Variants in ACSM1 observed in about 807,000 individuals in gnomAD.
ACSM1 encodes acyl-coenzyme A synthetase ACSM1, mitochondrial.
In ACSM1, 79 loss-of-function variants were observed where a neutral mutation model predicts 75.8. The observed-to-expected ratio is 1.04, with a 90% CI of 0.87 to 1.26. ACSM1 has a LOEUF of 1.26. Among genes scored for constraint, ACSM1 ranks in the 50% most tolerant of loss-of-function variants. The pLI is 0.00. For missense variants in ACSM1, 676 were observed against 720.1 expected (o/e 0.94, Z 0.70); for synonymous variants, 279 against 265.8 (o/e 1.05, Z -0.48).
chr16:20,651,029 G>A (rs556922174), intron 7 of ACSM1, among the ~76,000 whole-genome samples: 40 of 152,282 alleles, frequency 2.6e-4, no homozygotes, highest in African/African-American at 9.4e-4. Flanking sequence ...TTTTGTGTGT[G>A]TGTGCATGTG....
intron 6 of ACSM1, among the ~76,000 whole-genome samples, chr16:20,668,308 T>G (rs1272693578): frequency 2.6e-5 from 4 of 152,194 alleles, no homozygotes; most frequent in African/African-American, 9.6e-5. Flanking sequence ...ATTTTAAACT[T>G]TAAGCATTTA....
chr16:20,693,404 G>GA (rs2079673379), intron 1 of ACSM1, among the ~76,000 whole-genome samples: 1 of 152,106 alleles, frequency 6.6e-6, no homozygotes, highest in South Asian at 2.1e-4. Flanking sequence ...AGTTTGATTG[G>GA]AAAAAATGGC....
In ACSM1 at chr16:20,696,001, T is replaced by C. The variant is rs572373416; in HGVS notation, c.-52+1635A>G. Among the ~76,000 whole-genome samples, 5 of 152,342 alleles carry C rather than the reference T, an allele frequency of 3.3e-5. No homozygotes were observed. The East Asian group carries it at 7.7e-4, about 24-fold the overall frequency. On this transcript the variant is annotated intron_variant, in intron 1 of 13. Coordinates refer to ENST00000520010, the MANE Select transcript of ACSM1 (RefSeq NM_001318890.3). ...TGGCCCATACAATTATAATGACATATTTCTACTGTACCTTTTCTATGTTTC... is the reference window on the plus strand; with the variant it reads ...TGGCCCATACAATTATAATGACATACTTCTACTGTACCTTTTCTATGTTTC...
chr16:20,629,082 C>T lies in ACSM1; in HGVS notation c.1300-1766G>A, dbSNP rs139618846. ...GATATGCTTTGAACTCTCTGGAAGT[C>T]TCAAGAGGAAGACATGCTTCAGGAT... On this transcript the variant is annotated intron_variant, in intron 10 of 13. Transcript: ENST00000520010. 2.7e-4 allele frequency among the ~76,000 whole-genome samples: 41 copies of T among 152,282 alleles called. 1 individual carries two copies. The highest frequency in any genetic ancestry group is 9.9e-4 in the African/African-American group (41 of 41,552).
intron 5 of ACSM1, among the ~76,000 whole-genome samples, chr16:20,670,744 A>G (rs1457324897): frequency 1.3e-5 from 2 of 152,174 alleles, no homozygotes; most frequent in Admixed American, 6.5e-5. Flanking sequence ...GTCTTTGCAC[A>G]TATTATTCCA....
intron 7 of ACSM1, among the ~76,000 whole-genome samples, chr16:20,652,913 A>G (rs550737486): frequency 7.9e-5 from 12 of 152,314 alleles, no homozygotes; most frequent in Non-Finnish European, 1.6e-4. Context: ...TGAGGCCAAC[A>G]TCATCCTGAT....
At chr16:20,689,094 CAT>C (rs138526625) in intron 2 of ACSM1, among the ~76,000 whole-genome samples, 3,682 of 150,428 alleles carry the variant, frequency 0.024, 52 homozygotes, top group Non-Finnish European at 0.038. Flanking sequence ...ACATCAATAA[CAT>C]AAAGTGTGGG....
chr16:20,669,484 C>CA (rs2019768505), intron 6 of ACSM1, among the ~76,000 whole-genome samples: 2 of 132,290 alleles, frequency 1.5e-5, no homozygotes, highest in Non-Finnish European at 3.2e-5. Context: ...ACACACACAC[C>CA]CCAGCTGCTT....
intron 10 of ACSM1, among the ~76,000 whole-genome samples, chr16:20,630,121 G>GT (rs200287528): frequency 4.6e-3 from 640 of 140,324 alleles, no homozygotes; most frequent in African/African-American, 6.4e-3. Flanking sequence ...GAAAAAACTT[G>GT]TTTTTTTTTT....
chr16:20,649,947 T>C (rs1046842991), intron 7 of ACSM1, among the ~76,000 whole-genome samples: 1 of 152,112 alleles, frequency 6.6e-6, no homozygotes, highest in Non-Finnish European at 1.5e-5. Context: ...TTGTCAACAA[T>C]AGTTTGGTGC....
intron 11 of ACSM1, 52 bp from the exon 12 acceptor site, chr16:20,625,574 C>T: frequency 6.6e-7 from 1 of 1,508,188 alleles, no homozygotes; most frequent in Non-Finnish European, 9.1e-7. Flanking sequence ...TGAACCAAGT[C>T]CCCAGATCTC....
At chr16:20,691,776 T>C (rs1290551835) in intron 1 of ACSM1, among the ~76,000 whole-genome samples, 1 of 150,672 alleles carries the variant, frequency 6.6e-6, no homozygotes, top group Non-Finnish European at 1.5e-5. Context: ...TGTGTGTGTG[T>C]GTGTGTGTGT....
intron 1 of ACSM1, among the ~76,000 whole-genome samples, chr16:20,694,768 G>A (rs973667297): frequency 1.3e-5 from 2 of 152,190 alleles, no homozygotes; most frequent in Non-Finnish European, 2.9e-5. Flanking sequence ...GAACACCACT[G>A]TATTTGGAGA....
chr16:20,661,677 A>T (rs972253415), intron 7 of ACSM1, 117 bp downstream of exon 7: 89 of 679,814 alleles, frequency 1.3e-4, no homozygotes, highest in Admixed American at 3.5e-4. Context: ...CGCCACCAAC[A>T]CTTAACACAC....
rs1379955581 is a variant in ACSM1 at position 20,669,947 on chromosome 16, C to G, written c.792G>C (p.Trp264Cys). Residue 264 changes from tryptophan to cysteine, a missense_variant, in exon 6 of 14, where the codon TGG becomes TGC. By Grantham distance (215) the Trp-to-Cys change is radical (BLOSUM62 -2). Transcript: ENST00000520010. ...LRSLKTSDVSWCLSDSGWIVA... is the reference protein window; with the variant it reads ...LRSLKTSDVSCCLSDSGWIVA... The stretch of plus-strand genomic sequence containing the variant: ...CAATCCATCCTGAGTCCGACAGGCA[C>G]CAGGAGACATCAGATGTCTTCAGGC... The G allele has an allele frequency of 6.2e-7, 1 of 1,613,724 alleles. No homozygotes were observed. The highest frequency in any genetic ancestry group is 1.3e-5 in the African/African-American group (1 of 74,866).
chr16:20,626,080 A>G (rs1242606986), intron 11 of ACSM1, among the ~76,000 whole-genome samples: 21 of 152,164 alleles, frequency 1.4e-4, no homozygotes, highest in Non-Finnish European at 1.5e-5. Context: ...CATGTTTTAG[A>G]AATTTAAAAT....
chr16:20,632,341 A>G (rs983443568), intron 10 of ACSM1, among the ~76,000 whole-genome samples: 46 of 152,220 alleles, frequency 3.0e-4, no homozygotes, highest in African/African-American at 1.1e-3. Flanking sequence ...GATTAATAAA[A>G]AAGTGAAAAT....
chr16:20,692,801 C>A (rs1245734240), intron 1 of ACSM1, among the ~76,000 whole-genome samples: 1 of 152,080 alleles, frequency 6.6e-6, no homozygotes, highest in Non-Finnish European at 1.5e-5. Flanking sequence ...TTAAATAAAA[C>A]CCATCTGATG....
intron 10 of ACSM1, among the ~76,000 whole-genome samples, chr16:20,628,550 GTT>G (rs1011530562): frequency 6.8e-6 from 1 of 146,158 alleles, no homozygotes; most frequent in Non-Finnish European, 1.5e-5. Context: ...GTTTGGGACT[GTT>G]TTTTTTTTTC....
Sources: gnomAD v4.1 joint callset for allele counts (sites outside exome capture counted in the v4.1 genomes callset) on GRCh38, gnomAD v4.1.1 for gene constraint, MANE v1.5 for transcripts, NCBI Gene and HGNC (gene_info 2026-07-23, HGNC 2026-07-21) for gene names.